Variants in KCNN3 observed in about 807,000 individuals in gnomAD.
The protein encoded by KCNN3 is small conductance calcium-activated potassium channel protein 3.
KCNN3 carries 16 observed loss-of-function variants against 62.9 expected under a neutral mutation model. That is an observed-to-expected ratio of 0.25 (90% CI 0.17 to 0.39). KCNN3 has a LOEUF of 0.39. KCNN3 is among the 10% of genes least tolerant of loss of function. The pLI is 1.00. For missense variants in KCNN3, 599 were observed against 949.4 expected, an observed-to-expected ratio of 0.63 and a Z score of 4.85; for synonymous variants, 370 against 389.2, an observed-to-expected ratio of 0.95 and a Z score of 0.58.
At chr1:154,736,266 G>A (rs1046314880) in intron 3 of KCNN3, among the ~76,000 whole-genome samples, 18 of 152,232 alleles carry the variant, frequency 1.2e-4, no homozygotes, top group African/African-American at 4.1e-4. Context: ...CTAAATGTCA[G>A]CCATTATTGT....
At chr1:154,766,951 G>C (rs1039035221) in intron 3 of KCNN3, among the ~76,000 whole-genome samples, 1 of 152,240 alleles carries the variant, frequency 6.6e-6, no homozygotes, top group South Asian at 2.1e-4. Context: ...AAAGTGCTGG[G>C]ATTACAGGCG....
intron 2 of KCNN3, among the ~76,000 whole-genome samples, chr1:154,783,191 T>C (rs1217365488): frequency 6.8e-5 from 10 of 146,086 alleles, no homozygotes; most frequent in Middle Eastern, 3.6e-3. Context: ...CCAGCCTGGG[T>C]GACAGAACGA....
chr1:154,767,248 A>C (rs935913175), intron 3 of KCNN3, among the ~76,000 whole-genome samples: 8 of 152,180 alleles, frequency 5.3e-5, no homozygotes, highest in Non-Finnish European at 2.9e-5. Flanking sequence ...TCCAGAATAA[A>C]ATTTCTCATT....
chr1:154,867,715 CAGCCACCCCCCCACCA>C (rs1653006390), intron 1 of KCNN3, among the ~76,000 whole-genome samples: 1 of 147,480 alleles, frequency 6.8e-6, no homozygotes. Context: ...CCAGCCCGCC[CAGCCACCCCCCCACCA>C]AGCCACCCCC....
chr1:154,700,338 A>T lies in KCNN3; in HGVS notation c.*7638T>A, dbSNP rs758065798. 15 of 152,242 alleles carry T rather than the reference A, an allele frequency of 9.9e-5. No individual in the cohort carries two copies. The highest frequency in any genetic ancestry group is 2.6e-4 in the Admixed American group (4 of 15,284). The allele number at this position is 152,242 out of a possible 1,614,324, so 9.4% of individuals were successfully genotyped here. A position where few individuals can be genotyped will look rare whatever the true frequency, so the allele number is the denominator to read the frequency against. ...GTCTGTGGACCACACTTTGAGTAGC[A>T]AGGGTTAGCATATAGCCATGGACTT... On this transcript the variant is annotated 3_prime_UTR_variant, in exon 8 of 8. Coordinates refer to ENST00000271915, the MANE Select transcript of KCNN3 (RefSeq NM_002249.6).
At chr1:154,868,232 G>A in intron 1 of KCNN3, 1 of 985,564 alleles carries the variant, frequency 1.0e-6, no homozygotes. Context: ...TTCCAAGGCG[G>A]CGCCCAGCTG....
intron 3 of KCNN3, among the ~76,000 whole-genome samples, chr1:154,745,113 A>C (rs754405542): frequency 6.6e-6 from 1 of 152,134 alleles, no homozygotes. Flanking sequence ...CCTATTTTTC[A>C]AGAGTTGGCT....
At chr1:154,866,469 G>T (rs1652961025) in intron 1 of KCNN3, among the ~76,000 whole-genome samples, 1 of 152,166 alleles carries the variant, frequency 6.6e-6, no homozygotes, top group African/African-American at 2.4e-5. Context: ...AATAGTAGTG[G>T]CAGAGCTGGG....
chr1:154,845,877 C>G (rs1218563), intron 1 of KCNN3, among the ~76,000 whole-genome samples: 146,931 of 152,310 alleles, frequency 0.96, 71,103 homozygotes, highest in East Asian at 1. Flanking sequence ...TTGATCCTCA[C>G]GCACATGCTT....
intron 2 of KCNN3, among the ~76,000 whole-genome samples, chr1:154,785,027 A>G (rs887330141): frequency 6.6e-6 from 1 of 152,258 alleles, no homozygotes. Context: ...GGCCAGGCCA[A>G]TAGGTGTTTC....
Position 154,697,594 on chromosome 1 carries a change from T to C in KCNN3, c.*10382A>G, listed in dbSNP as rs1699765908. ...AGCAGGAGTGGGGAAGGCCATAGAC[T>C]AAGCCCACCTTCAAGGTCACACTTC... On this transcript the variant is annotated 3_prime_UTR_variant, in exon 8 of 8. Coordinates refer to ENST00000271915, the MANE Select transcript of KCNN3 (RefSeq NM_002249.6). 2 of 152,184 alleles carry C rather than the reference T, an allele frequency of 1.3e-5. No individual in the cohort carries two copies. The highest frequency in any genetic ancestry group is 1.9e-4 in the East Asian group (1 of 5,200). 9.4% of individuals were successfully genotyped at this position (152,184 alleles called of 1,614,324 possible). A position where few individuals can be genotyped will look rare whatever the true frequency, so the allele number is the denominator to read the frequency against.
At chr1:154,824,678 T>C (rs1402624542) in intron 1 of KCNN3, among the ~76,000 whole-genome samples, 1 of 152,228 alleles carries the variant, frequency 6.6e-6, no homozygotes, top group Non-Finnish European at 1.5e-5. Flanking sequence ...CAGCTGCACA[T>C]TTCAGCCCCT....
chr1:154,785,339 T>C (rs548884817), intron 2 of KCNN3, among the ~76,000 whole-genome samples: 107 of 152,232 alleles, frequency 7.0e-4, no homozygotes, highest in African/African-American at 2.5e-3. Flanking sequence ...TTGAACAGCC[T>C]AGGGAGCTGA....
At chr1:154,820,196 A>G (rs965972833) in intron 2 of KCNN3, among the ~76,000 whole-genome samples, 8 of 152,194 alleles carry the variant, frequency 5.3e-5, no homozygotes, top group Admixed American at 5.2e-4. Flanking sequence ...GAACTGAGTC[A>G]AGCTGCAGCT....
chr1:154,854,213 C>A (rs1035698718), intron 1 of KCNN3, among the ~76,000 whole-genome samples: 1 of 151,684 alleles, frequency 6.6e-6, no homozygotes, highest in Non-Finnish European at 1.5e-5. Context: ...CCAGCCTGGG[C>A]GACAGAGCAA....
At chr1:154,858,972 C>T (rs1330538647) in intron 1 of KCNN3, among the ~76,000 whole-genome samples, 2 of 152,216 alleles carry the variant, frequency 1.3e-5, no homozygotes, top group Non-Finnish European at 1.5e-5. Context: ...GGCTAGCACA[C>T]CTGGCTGGCC....
At chr1:154,864,883 G>C (rs2101937960) in intron 1 of KCNN3, among the ~76,000 whole-genome samples, 1 of 152,256 alleles carries the variant, frequency 6.6e-6, no homozygotes, top group South Asian at 2.1e-4. Flanking sequence ...ATGGGGAAGT[G>C]GCTTGAGGTT....
At chr1:154,719,789 T>G (rs1276698632) in intron 5 of KCNN3, among the ~76,000 whole-genome samples, 1 of 152,060 alleles carries the variant, frequency 6.6e-6, no homozygotes, top group Non-Finnish European at 1.5e-5. Context: ...TGCCCTCTCT[T>G]TCATCACCCT....
chr1:154,807,518 G>A (rs1650225335), intron 2 of KCNN3, among the ~76,000 whole-genome samples: 1 of 152,204 alleles, frequency 6.6e-6, no homozygotes, highest in Admixed American at 6.5e-5. Flanking sequence ...GATGGTGGCG[G>A]TTTCCAGCCA....
Sources: gnomAD v4.1 joint callset for allele counts (sites outside exome capture counted in the v4.1 genomes callset) on GRCh38, gnomAD v4.1.1 for gene constraint, MANE v1.5 for transcripts, NCBI Gene and HGNC (gene_info 2026-07-23, HGNC 2026-07-21) for gene names.